BPIFA3: variants seen among roughly 807,000 people sequenced by gnomAD.
BPIFA3 encodes BPI fold containing family A member 3.
Under a neutral mutation model 29.7 loss-of-function variants are expected in BPIFA3, and 32 were observed. The ratio of observed to expected loss-of-function variants is 1.08; its 90% CI spans 0.81 to 1.45. The LOEUF (loss-of-function observed/expected upper bound fraction) is 1.45, where lower values mean the gene tolerates loss of function less well. Among genes scored for constraint, BPIFA3 ranks in the 40% most tolerant of loss-of-function variants. The pLI is 0.00. For synonymous variants in BPIFA3, 112 were observed against 113.7 expected (o/e 0.98, Z 0.10); for missense variants, 323 against 311.3 (o/e 1.04, Z -0.28).
At chr20:33,218,804 T>C (rs1388069605) in intron 1 of BPIFA3, among the ~76,000 whole-genome samples, 1 of 152,232 alleles carries the variant, frequency 6.6e-6, no homozygotes, top group Non-Finnish European at 1.5e-5. Context: ...TCTACTTTTT[T>C]TTTTTTGCCA....
chr20:33,225,348 A>T, intron 4 of BPIFA3, 101 bp downstream of exon 4: 1 of 1,519,586 alleles, frequency 6.6e-7, no homozygotes, highest in Non-Finnish European at 9.0e-7. Flanking sequence ...TCCAAAGCAG[A>T]TCTCATCCTT....
chr20:33,223,161 A>G (rs1317108728), intron 1 of BPIFA3, among the ~76,000 whole-genome samples: 1 of 152,162 alleles, frequency 6.6e-6, no homozygotes, highest in African/African-American at 2.4e-5. Flanking sequence ...GGGATGGGGT[A>G]TGACAAAGGT....
chr20:33,217,311 G>T (rs1985298415), upstream of BPIFA3: 4 of 469,808 alleles, frequency 8.5e-6, no homozygotes, highest in Non-Finnish European at 1.5e-5. Context: ...CCTCCCTCTG[G>T]AGCCCTGGCC....
At chr20:33,226,374 G>A in intron 4 of BPIFA3, 32 bp from the exon 5 acceptor site, 1 of 1,508,082 alleles carries the variant, frequency 6.6e-7, no homozygotes, top group Admixed American at 1.7e-5. Context: ...GGATTGCTCT[G>A]TTCTGTTCTG....
chr20:33,226,463 A>C lies in BPIFA3; in HGVS notation c.594A>C (p.Lys198Asn). Residue 198 changes from lysine to asparagine, a missense_variant, in exon 5 of 7, where the codon AAA (lysine) becomes AAC (asparagine). By Grantham distance (94) the Lys-to-Asn change is moderately conservative. Transcript: ENST00000375454. ...FLYNLKENLQ[K>N]VLPHMVESQV... ...ACAACCTCAAAGAGAATCTGCAAAA[A>C]GTTCTCCCACACATGGTAGAAAGTC... 1.9e-6 allele frequency: 3 copies of C among 1,610,142 alleles called. No homozygotes were observed. Among genetic ancestry groups the C allele is most frequent in the Non-Finnish European group, 2.5e-6 (3 of 1,178,670 alleles).
intron 4 of BPIFA3, 70 bp from the exon 5 acceptor site, chr20:33,226,336 C>T (rs1985776035): frequency 3.5e-6 from 4 of 1,135,214 alleles, no homozygotes; most frequent in Admixed American, 1.9e-5. Flanking sequence ...GTATACTCAA[C>T]ACATACCTCC....
chr20:33,225,363 C>G (rs974442398), intron 4 of BPIFA3, 116 bp downstream of exon 4: 2 of 1,432,356 alleles, frequency 1.4e-6, no homozygotes, highest in African/African-American at 2.8e-5. Flanking sequence ...ATCCTTCCCC[C>G]GGGATCTGCT....
At position 33,217,542 on chromosome 20, in the gene BPIFA3, G is replaced by C. The variant is rs771286532; in HGVS notation, c.6G>C (p.Met2Ile). 1.2e-6 allele frequency: 2 copies of C among 1,614,048 alleles called. No homozygotes were observed. Among genetic ancestry groups the C allele is most frequent in the South Asian group, 2.2e-5 (2 of 91,072 alleles). M[M>I]CPLWRLLIFL... Reference sequence around the variant, plus strand: ...ATCTGCAGGTCCCAGACCCTATGATGTGTCCACTCTGGAGGCTCCTCATCT... The same window carrying C: ...ATCTGCAGGTCCCAGACCCTATGATCTGTCCACTCTGGAGGCTCCTCATCT... The change falls in exon 1 of 7, where the codon ATG (methionine) becomes ATC (isoleucine). Residue 2 changes from methionine (M) to isoleucine (I), a missense_variant. Coordinates refer to ENST00000375454, the MANE Select transcript of BPIFA3 (RefSeq NM_178466.5).
At chr20:33,226,536 G>T (rs746634309) in intron 5 of BPIFA3, 46 bp downstream of exon 5, 2 of 1,310,278 alleles carry the variant, frequency 1.5e-6, no homozygotes, top group East Asian at 2.3e-5. Context: ...TTGAGTCCGA[G>T]GGTTAGGGCA....
chr20:33,225,063 C>CCTTGCCCTTCCTCCT lies in BPIFA3; in HGVS notation c.387-31_387-17dup, dbSNP rs753528108. 3.1e-6 allele frequency: 5 copies of CCTTGCCCTTCCTCCT among 1,596,448 alleles called. No individual in the cohort carries two copies. In the South Asian group the frequency reaches 5.5e-5, roughly 18 times the overall value. ...TTTCTACTCTTTCTCTACCTCCTCC[C>CCTTGCCCTTCCTCCT]CTTGCCCTTCCTCCTCTTCCTCTCT... On this transcript the variant is annotated intron_variant, in intron 3 of 6. Transcript: ENST00000375454.
At chr20:33,218,951 G>A (rs1057461046) in intron 1 of BPIFA3, among the ~76,000 whole-genome samples, 1 of 152,108 alleles carries the variant, frequency 6.6e-6, no homozygotes. Flanking sequence ...TGTCACCCAG[G>A]CTGCAGTGCA....
chr20:33,224,271 C>A, intron 2 of BPIFA3, 84 bp from the exon 3 acceptor site: 2 of 1,128,188 alleles, frequency 1.8e-6, no homozygotes. Context: ...TCTTTATAGT[C>A]GGACAGCCTT....
Position 33,226,873 on chromosome 20 carries a change from T to C in BPIFA3, c.622-57T>C, listed in dbSNP as rs561813816. 733 of 1,607,668 alleles carry C rather than the reference T, an allele frequency of 4.6e-4. 11 individuals carry two copies. In the South Asian group the frequency reaches 5.2e-3, roughly 11 times the overall value. ...AGTTGAAGTTTCCTGCCACAGTCACTTCAGTTTTCCTTTTCCAGCCCCTGG... is the reference window on the plus strand; with the variant it reads ...AGTTGAAGTTTCCTGCCACAGTCACCTCAGTTTTCCTTTTCCAGCCCCTGG... On this transcript the variant is annotated intron_variant, in intron 5 of 6. Transcript: ENST00000375454.
intron 1 of BPIFA3, among the ~76,000 whole-genome samples, chr20:33,222,635 A>ATGG (rs1985579223): frequency 2.9e-5 from 3 of 104,340 alleles, no homozygotes; most frequent in Admixed American, 8.7e-5. Flanking sequence ...TGAGCGGATG[A>ATGG]ATGGATGGAT....
In BPIFA3 at chr20:33,226,494, A is replaced by C; in HGVS notation, c.621+4A>C. On this transcript the variant is annotated splice_donor_region_variant and intron_variant, in intron 5 of 6. Coordinates refer to ENST00000375454, the MANE Select transcript of BPIFA3 (RefSeq NM_178466.5). ...CCCACACATGGTAGAAAGTCAGGTA[A>C]GTTTAGAAAAAACTTTGCATCTTGA... 6.3e-7 allele frequency: 1 copy of C among 1,597,672 alleles called. No homozygotes were observed. Among genetic ancestry groups the C allele is most frequent in the Non-Finnish European group, 8.6e-7 (1 of 1,168,556 alleles).
chr20:33,224,503 C>T (rs1007470), intron 3 of BPIFA3, 41 bp downstream of exon 3: 1 of 1,485,220 alleles, frequency 6.7e-7, no homozygotes. Flanking sequence ...TGCTGGCCCT[C>T]CTCGCAGGGA....
rs143500003 is a variant in BPIFA3 at position 33,219,277 on chromosome 20, A to G, written c.127+1614A>G. Among the ~76,000 whole-genome samples, 7 of 152,038 alleles carry G rather than the reference A, an allele frequency of 4.6e-5. 1 individual carries two copies. Among genetic ancestry groups the G allele is most frequent in the African/African-American group, 1.7e-4 (7 of 41,454 alleles). ...TAAATTTGCTTTTCTGGGTTTTTTTAATCCTCTTTGACTTGAAGAGACATT... is the reference window on the plus strand; with the variant it reads ...TAAATTTGCTTTTCTGGGTTTTTTTGATCCTCTTTGACTTGAAGAGACATT... On this transcript the variant is annotated intron_variant, in intron 1 of 6. Coordinates refer to ENST00000375454, the MANE Select transcript of BPIFA3 (RefSeq NM_178466.5).
At chr20:33,219,160 C>T (rs1214327242) in intron 1 of BPIFA3, among the ~76,000 whole-genome samples, 1 of 152,192 alleles carries the variant, frequency 6.6e-6, no homozygotes, top group African/African-American at 2.4e-5. Flanking sequence ...CCACCTCGGC[C>T]TCCCAAAGTG....
rs774969132 is a variant in BPIFA3, at chr20:33,223,869, T to C, written c.186T>C (p.Phe62=). 1 of 1,614,222 alleles carries C rather than the reference T, an allele frequency of 6.2e-7. No individual in the cohort carries two copies. The highest frequency in any genetic ancestry group is 1.1e-5 in the South Asian group (1 of 91,088). ...NAESRIQNIH[F]GDRLNASAQV... is the part of the protein sequence containing the mutation. ...AAAGCCGAATTCAGAACATCCACTT[T>C]GGGGACAGACTGAATGCCTCAGCAC... The change falls in exon 2 of 7, where the codon TTT becomes TTC. Residue 62 remains phenylalanine, a synonymous_variant. Transcript: ENST00000375454.
Sources: gnomAD v4.1 joint callset for allele counts (sites outside exome capture counted in the v4.1 genomes callset) on GRCh38, gnomAD v4.1.1 for gene constraint, MANE v1.5 for transcripts, NCBI Gene and HGNC (gene_info 2026-07-23, HGNC 2026-07-21) for gene names.